The following SV2C variants were observed in gnomAD, a reference collection of about 807,000 sequenced individuals.
SV2C encodes synaptic vesicle glycoprotein 2C.
Under a neutral mutation model 79.7 loss-of-function variants are expected in SV2C, and 49 were observed. That is an observed-to-expected ratio of 0.61 (90% confidence interval 0.49 to 0.78). The LOEUF is 0.78. Ranked by LOEUF, SV2C falls within the 30% of genes least tolerant of loss-of-function variation. SV2C has a pLI of 0.00. For synonymous variants in SV2C, 334 were observed against 333.2 expected, an observed-to-expected ratio of 1.00 and a Z score of -0.03; for missense variants, 833 against 912.9, an observed-to-expected ratio of 0.91 and a Z score of 1.13.
intron 2 of SV2C, among the ~76,000 whole-genome samples, chr5:76,172,288 T>TG (rs1199468988): frequency 4.0e-3 from 30 of 7,444 alleles, no homozygotes; most frequent in Admixed American, 9.8e-3. Flanking sequence ...GGGAGGGAGG[T>TG]GGGGGGGGGG....
At chr5:76,074,553 C>T in the SV2C span, among the ~76,000 whole-genome samples, 2 of 152,330 alleles carry the variant, frequency 1.3e-5, no homozygotes, top group Admixed American at 6.5e-5. Flanking sequence ...CTCTCTCCTT[C>T]TTAACAAGAA....
chr5:76,127,833 C>T (rs1451960822), intron 1 of SV2C, among the ~76,000 whole-genome samples: 2 of 152,126 alleles, frequency 1.3e-5, no homozygotes, highest in Non-Finnish European at 2.9e-5. Context: ...GGAAAAATTC[C>T]GAGGCATAAT....
At chr5:76,146,863 A>G (rs1405546999) in intron 2 of SV2C, among the ~76,000 whole-genome samples, 2 of 151,802 alleles carry the variant, frequency 1.3e-5, no homozygotes, top group Non-Finnish European at 2.9e-5. Context: ...AAACAAAAAA[A>G]AAGTTTTAAA....
chr5:76,308,870 T>C (rs1011730709), intron 12 of SV2C, among the ~76,000 whole-genome samples: 1 of 152,232 alleles, frequency 6.6e-6, no homozygotes, highest in Admixed American at 6.5e-5. Flanking sequence ...ACTGTTTGTT[T>C]ATTTACTCAA....
At chr5:75,972,734 G>T in the SV2C span, among the ~76,000 whole-genome samples, 1 of 152,082 alleles carries the variant, frequency 6.6e-6, no homozygotes, top group Non-Finnish European at 1.5e-5. Context: ...TGGTGGGACT[G>T]TAAACTAGTT....
chr5:76,242,551 T>C (rs1381285814), intron 4 of SV2C: 5 of 405,248 alleles, frequency 1.2e-5, no homozygotes, highest in African/African-American at 8.3e-5. Flanking sequence ...AACCACACTT[T>C]AAAAAACGCT....
chr5:76,038,063 C>T, the SV2C span, among the ~76,000 whole-genome samples: 1 of 152,262 alleles, frequency 6.6e-6, no homozygotes, highest in Non-Finnish European at 1.5e-5. Context: ...TGACCCCTTG[C>T]ACTTCCGGAG....
At chr5:75,975,759 G>C in the SV2C span, among the ~76,000 whole-genome samples, 1 of 152,162 alleles carries the variant, frequency 6.6e-6, no homozygotes, top group Non-Finnish European at 1.5e-5. Context: ...TTAGAGTGTT[G>C]AGGCTCTGGG....
intron 12 of SV2C, among the ~76,000 whole-genome samples, chr5:76,316,193 A>T (rs1021600548): frequency 6.6e-6 from 1 of 152,232 alleles, no homozygotes; most frequent in Non-Finnish European, 1.5e-5. Context: ...GAAGTACACT[A>T]AAGGGAATTC....
At chr5:75,976,813 T>A in the SV2C span, among the ~76,000 whole-genome samples, 36 of 152,232 alleles carry the variant, frequency 2.4e-4, 1 homozygote, top group Admixed American at 6.5e-5. Flanking sequence ...AAAAATCCTA[T>A]GTTTCCAACT....
At chr5:76,036,641 A>T in the SV2C span, among the ~76,000 whole-genome samples, 1 of 152,266 alleles carries the variant, frequency 6.6e-6, no homozygotes, top group Admixed American at 6.5e-5. Flanking sequence ...CTTCCCTTTG[A>T]GGGTAACCCA....
chr5:75,856,423 C>T, the SV2C span, among the ~76,000 whole-genome samples: 1 of 152,176 alleles, frequency 6.6e-6, no homozygotes, highest in Admixed American at 6.5e-5. Context: ...GCAAGGATTT[C>T]CTGTTCTCCA....
chr5:76,124,784 G>GT (rs1403467294), intron 1 of SV2C, among the ~76,000 whole-genome samples: 5 of 152,094 alleles, frequency 3.3e-5, no homozygotes, highest in Non-Finnish European at 5.9e-5. Flanking sequence ...TATTTTGTTT[G>GT]TTTTTTGTTG....
intron 2 of SV2C, among the ~76,000 whole-genome samples, chr5:76,152,692 T>C (rs1749641241): frequency 6.6e-6 from 1 of 152,202 alleles, no homozygotes; most frequent in Non-Finnish European, 1.5e-5. Context: ...TGATTTGAGC[T>C]GACTAAAGTC....
At chr5:75,964,343 G>A in the SV2C span, among the ~76,000 whole-genome samples, 6 of 152,096 alleles carry the variant, frequency 3.9e-5, no homozygotes, top group Admixed American at 1.3e-4. Flanking sequence ...TCTGGGTCAC[G>A]ATATTCATTT....
At chr5:75,852,174 G>A in the SV2C span, among the ~76,000 whole-genome samples, 8 of 152,142 alleles carry the variant, frequency 5.3e-5, no homozygotes, top group African/African-American at 1.7e-4. Flanking sequence ...GGTGGTGGGG[G>A]GCTGGGGGAG....
chr5:76,173,513 A>G, intron 2 of SV2C: 1 of 1,019,012 alleles, frequency 9.8e-7, no homozygotes, highest in Non-Finnish European at 1.6e-6. Flanking sequence ...AAAGGGTACC[A>G]CCACAGGAAA....
At chr5:76,140,578 A>G (rs549486497) in intron 2 of SV2C, among the ~76,000 whole-genome samples, 83 of 152,252 alleles carry the variant, frequency 5.5e-4, no homozygotes, top group Middle Eastern at 6.8e-3. Flanking sequence ...TGACTGGCTC[A>G]CGGTGCATTG....
chr5:76,194,666 G>C (rs1295220142), intron 2 of SV2C, among the ~76,000 whole-genome samples: 1 of 152,188 alleles, frequency 6.6e-6, no homozygotes, highest in Non-Finnish European at 1.5e-5. Context: ...CTGTAGCTGA[G>C]TGTACTCAGC....
Sources: gnomAD v4.1 joint callset for allele counts (sites outside exome capture counted in the v4.1 genomes callset) on GRCh38, gnomAD v4.1.1 for gene constraint, MANE v1.5 for transcripts, NCBI Gene and HGNC (gene_info 2026-07-23, HGNC 2026-07-21) for gene names.